The following SORBS2 variants were observed in gnomAD, a reference collection of about 807,000 sequenced individuals.
SORBS2 encodes the protein sorbin and SH3 domain-containing protein 2.
In SORBS2, 46 loss-of-function variants were observed where a neutral mutation model predicts 97.7. That is an observed-to-expected ratio of 0.47 (90% CI 0.37 to 0.60). The LOEUF (loss-of-function observed/expected upper bound fraction) is 0.60, where lower values mean the gene tolerates loss of function less well. Among genes scored for constraint, SORBS2 ranks in the 20% least tolerant of loss-of-function variants. SORBS2 has a pLI of 0.00. For synonymous variants in SORBS2, 476 were observed against 473.4 expected (o/e 1.01, Z -0.07); for missense variants, 1,316 against 1,282.3 (o/e 1.03, Z -0.40).
At chr4:185,797,732 A>G (rs2099111797) in intron 1 of SORBS2, among the ~76,000 whole-genome samples, 1 of 152,170 alleles carries the variant, frequency 6.6e-6, no homozygotes, top group Non-Finnish European at 1.5e-5. Context: ...CTGGGAATGA[A>G]TTCCAACTTT....
exon 15 of SORBS2, chr4:185,586,197 C>T (rs1173683385): frequency 6.5e-6 from 1 of 152,714 alleles, no homozygotes; most frequent in Middle Eastern, 3.4e-3. Flanking sequence ...GTAAGGTGCT[C>T]AAGATCCAAA....
intron 12 of SORBS2, among the ~76,000 whole-genome samples, chr4:185,608,211 A>G (rs919340768): frequency 6.6e-6 from 1 of 152,210 alleles, no homozygotes; most frequent in African/African-American, 2.4e-5. Flanking sequence ...TTATGTTTGC[A>G]AGGTGATTAC....
At chr4:185,800,492 C>CCTGTG (rs2099125022) in intron 1 of SORBS2, among the ~76,000 whole-genome samples, 2 of 152,136 alleles carry the variant, frequency 1.3e-5, no homozygotes, top group African/African-American at 4.8e-5. Flanking sequence ...CCAGAGGTCA[C>CCTGTG]AGTCTCCCCT....
chr4:185,928,158 CACTT>C (rs1292350701), intron 1 of SORBS2, among the ~76,000 whole-genome samples: 1 of 152,048 alleles, frequency 6.6e-6, no homozygotes, highest in Non-Finnish European at 1.5e-5. Context: ...GTAATTTCAT[CACTT>C]TGGGGGACCA....
intron 12 of SORBS2, among the ~76,000 whole-genome samples, chr4:185,605,657 T>C (rs560346757): frequency 6.6e-6 from 1 of 151,628 alleles, no homozygotes; most frequent in East Asian, 1.9e-4. Flanking sequence ...CGATCTCAGC[T>C]CATTACAACC....
Position 185,827,825 on chromosome 4 carries a change from CCAT to C in SORBS2, c.-337-52462_-337-52460del, listed in dbSNP as rs759738430. On this transcript the variant is annotated intron_variant, in intron 1 of 20. Coordinates refer to the SORBS2 transcript ENST00000284776. ...GTCATCATCACCATCATCACCGTCA[CCAT>C]CATCATCATCATCGTCACCATCATC... 7.2e-3 allele frequency among the ~76,000 whole-genome samples: 986 copies of C among 137,748 alleles called. 7 individuals carry two copies. Among genetic ancestry groups the C allele is most frequent in the Non-Finnish European group, 0.011 (726 of 63,842 alleles). The allele number at this position is 137,748 out of a possible 152,430, so 90.4% of individuals were successfully genotyped here.
intron 9 of SORBS2, among the ~76,000 whole-genome samples, chr4:185,615,470 G>A (rs2096613298): frequency 6.6e-6 from 1 of 151,716 alleles, no homozygotes; most frequent in Non-Finnish European, 1.5e-5. Flanking sequence ...TCAGAGAAGA[G>A]GCATTTTGAA....
chr4:185,656,081 C>T (rs147023050), intron 1 of SORBS2, among the ~76,000 whole-genome samples: 16 of 152,224 alleles, frequency 1.1e-4, no homozygotes, highest in African/African-American at 3.9e-4. Context: ...GGGAAATGAA[C>T]AAGAAAACAT....
At chr4:185,883,164 G>T (rs2099237703) in intron 1 of SORBS2, among the ~76,000 whole-genome samples, 1 of 151,982 alleles carries the variant, frequency 6.6e-6, no homozygotes, top group Non-Finnish European at 1.5e-5. Context: ...ATCAGGAGAA[G>T]AACTTATATT....
At chr4:185,671,764 A>G (rs2097715751) in intron 4 of SORBS2, among the ~76,000 whole-genome samples, 2 of 152,190 alleles carry the variant, frequency 1.3e-5, no homozygotes, top group African/African-American at 4.8e-5. Flanking sequence ...AGGAAGGCAG[A>G]TCATGACGTG....
chr4:185,943,194 T>C (rs1001578133), intron 1 of SORBS2, among the ~76,000 whole-genome samples: 4 of 152,246 alleles, frequency 2.6e-5, no homozygotes, highest in African/African-American at 9.6e-5. Flanking sequence ...GAAAGATCCC[T>C]TGGGTGGCTT....
chr4:185,780,166 T>C (rs11132348), intron 1 of SORBS2, among the ~76,000 whole-genome samples: 67,208 of 151,622 alleles, frequency 0.44, 15,965 homozygotes, highest in East Asian at 0.78. Flanking sequence ...CAGGCATGCA[T>C]CACCACACCC....
intron 1 of SORBS2, among the ~76,000 whole-genome samples, chr4:185,864,484 T>C (rs566970925): frequency 2.0e-5 from 3 of 152,326 alleles, no homozygotes; most frequent in South Asian, 2.1e-4. Context: ...ACTATTACAT[T>C]TGAAGATTTG....
At chr4:185,664,571 G>T (rs2097570127) in intron 4 of SORBS2, among the ~76,000 whole-genome samples, 1 of 152,166 alleles carries the variant, frequency 6.6e-6, no homozygotes, top group South Asian at 2.1e-4. Context: ...GGCAGGGAGG[G>T]ACTCGCTATG....
intron 1 of SORBS2, among the ~76,000 whole-genome samples, chr4:185,947,895 G>C (rs2099275326): frequency 6.6e-6 from 1 of 151,880 alleles, no homozygotes; most frequent in African/African-American, 2.4e-5. Flanking sequence ...ACAGGCGTGA[G>C]CCACTACGCC....
chr4:185,694,520 T>C (rs981809531), intron 2 of SORBS2, among the ~76,000 whole-genome samples: 3 of 152,186 alleles, frequency 2.0e-5, no homozygotes, highest in Non-Finnish European at 4.4e-5. Flanking sequence ...TTCATATGTG[T>C]CCTAATTTGT....
intron 11 of SORBS2, among the ~76,000 whole-genome samples, chr4:185,613,646 CAAAAA>C (rs35723770): frequency 1.3e-3 from 108 of 85,800 alleles, no homozygotes; most frequent in Admixed American, 2.3e-3. Flanking sequence ...CACTCCATCT[CAAAAA>C]AAAAAAAAAA....
At chr4:185,739,273 CA>C (rs1359544980) in intron 2 of SORBS2, among the ~76,000 whole-genome samples, 14 of 152,036 alleles carry the variant, frequency 9.2e-5, no homozygotes, top group Admixed American at 7.2e-4. Flanking sequence ...AAATATAGGG[CA>C]AAACAAAACA....
chr4:185,822,557 G>A lies in SORBS2; in HGVS notation c.-337-47191C>T, dbSNP rs28642785. Among the ~76,000 whole-genome samples, 1,330 of 152,340 alleles carry A rather than the reference G, an allele frequency of 8.7e-3. 16 individuals carry two copies. Among genetic ancestry groups the A allele is most frequent in the African/African-American group, 0.03 (1,242 of 41,578 alleles). On this transcript the variant is annotated intron_variant, in intron 1 of 20. Transcript: ENST00000284776. The stretch of plus-strand genomic sequence containing the variant: ...TTCTGGGATATTAGAAAAGACATAC[G>A]ATGGGAACTTTACAAAATATGCAAG...
Sources: gnomAD v4.1 joint callset for allele counts (sites outside exome capture counted in the v4.1 genomes callset) on GRCh38, gnomAD v4.1.1 for gene constraint, MANE v1.5 for transcripts, NCBI Gene and HGNC (gene_info 2026-07-23, HGNC 2026-07-21) for gene names.